Variants in EFNA2 observed in about 807,000 individuals in gnomAD.
EFNA2 encodes ephrin-A2.
Under a neutral mutation model 19.7 loss-of-function variants are expected in EFNA2, and 18 were observed. That is an observed-to-expected ratio of 0.91 (90% CI 0.63 to 1.35). EFNA2 has a LOEUF of 1.35. Among genes scored for constraint, EFNA2 ranks in the 40% most tolerant of loss-of-function variants. EFNA2 has a pLI of 0.00. For missense variants in EFNA2, 303 were observed against 296.0 expected (o/e 1.02, Z -0.17); for synonymous variants, 187 against 137.8 (o/e 1.36, Z -2.50).
Position 1,292,090 on chromosome 19 carries a change from A to G in EFNA2, c.141-3455A>G, listed in dbSNP as rs77925924. 7.7e-3 allele frequency among the ~76,000 whole-genome samples: 1,174 copies of G among 152,348 alleles called. 30 individuals are homozygous for G. The highest frequency in any genetic ancestry group is 0.062 in the East Asian group (323 of 5,180). ...GGGAGGATTTGCATATCGAGGCTTC[A>G]TCACTAATGGAGGAAGCGAAGGCTT... is the stretch of plus-strand genomic sequence containing the variant. On this transcript the variant is annotated intron_variant, in intron 1 of 3. Transcript: ENST00000215368.
rs1020595886 is a variant in EFNA2, at chr19:1,286,373, C to T, written c.140+65C>T. 8,167 of 903,700 alleles carry T rather than the reference C, an allele frequency of 9.0e-3. 47 individuals are homozygous for T. Among genetic ancestry groups the T allele is most frequent in the Non-Finnish European group, 0.01 (7,698 of 757,794 alleles). The allele number at this position is 903,700 out of a possible 1,614,324, so 56.0% of individuals were successfully genotyped here. ...CAACGCCCCCCAAGCCGCGCCCGGC[C>T]TCGCGCCCCCGGAGCTCCGGGCGCC... is the stretch of plus-strand genomic sequence containing the variant. On this transcript the variant is annotated intron_variant, in intron 1 of 3. Transcript: ENST00000215368. The surrounding 1 kb of genome is among the most constrained non-coding windows in gnomAD (Gnocchi z 5.6).
Position 1,295,883 on chromosome 19 carries a change from CCGGGGCCCGAGTGGGCGGGGACGCGGGGG to C in EFNA2, c.454+33_454+61del. ...TGTGAGTGGGGTCGGGCCGGGGCTG[CCGGGGCCCGAGTGGGCGGGGACGCGGGGG>C]CGGGGCCAGGAAGTGGGCGGGACCA... On this transcript the variant is annotated intron_variant, in intron 2 of 3. Transcript: ENST00000215368. The surrounding 1 kb of genome is among the most constrained non-coding windows in gnomAD (Gnocchi z 5.8). 6.5e-7 allele frequency: 1 copy of C among 1,544,884 alleles called. No individual in the cohort carries two copies. Among genetic ancestry groups the C allele is most frequent in the Non-Finnish European group, 8.7e-7 (1 of 1,154,078 alleles).
rs1033087238 is a variant in EFNA2, at chr19:1,287,027, ACCCAGGTGG to A, written c.140+725_140+733del. 6.6e-6 allele frequency among the ~76,000 whole-genome samples: 1 copy of A among 151,986 alleles called. No individual in the cohort carries two copies. Among genetic ancestry groups the A allele is most frequent in the African/African-American group, 2.4e-5 (1 of 41,336 alleles). On this transcript the variant is annotated intron_variant, in intron 1 of 3. Coordinates refer to ENST00000215368, the MANE Select transcript of EFNA2 (RefSeq NM_001405.4). The surrounding 1 kb of genome is among the most constrained non-coding windows in gnomAD (Gnocchi z 6.2). ...TGCAAGGGGGGGACTTGGGGGCAGGACCCAGGTGGCCCAGTGCCCTGCCTGCCACGCCCG... is the reference window on the plus strand; with the variant it reads ...TGCAAGGGGGGGACTTGGGGGCAGGACCCAGTGCCCTGCCTGCCACGCCCG...
upstream of EFNA2, among the ~76,000 whole-genome samples, chr19:1,284,844 G>C (rs111924047): frequency 6.6e-6 from 1 of 152,216 alleles, no homozygotes; most frequent in Non-Finnish European, 1.5e-5. The surrounding 1 kb of genome is among the most constrained non-coding windows in gnomAD (Gnocchi z 5.3). Flanking sequence ...ATTCAGAGAC[G>C]TACAACACGA....
rs1228515277 is a variant in EFNA2 at position 1,300,076 on chromosome 19, C to T, written c.*131C>T. 6.2e-6 allele frequency: 8 copies of T among 1,292,632 alleles called. No homozygotes were observed. The highest frequency in any genetic ancestry group is 7.1e-6 in the Non-Finnish European group (7 of 979,278). The allele number at this position is 1,292,632 out of a possible 1,614,324, so 80.1% of individuals were successfully genotyped here. ...GACGCTGCTTCTCCCTCGCCTGGTGCCGCCCCCGCCGGGCAGGGGCCATCC... is the reference window on the plus strand; with the variant it reads ...GACGCTGCTTCTCCCTCGCCTGGTGTCGCCCCCGCCGGGCAGGGGCCATCC... On this transcript the variant is annotated 3_prime_UTR_variant, in exon 4 of 4. Transcript: ENST00000215368.
upstream of EFNA2, among the ~76,000 whole-genome samples, chr19:1,285,703 G>C (rs2081460117): frequency 6.6e-6 from 1 of 151,396 alleles, no homozygotes; most frequent in Admixed American, 6.6e-5. This position sits in a 1 kb window ranked among gnomAD's most constrained non-coding sequence, Gnocchi z 4.1. Context: ...GGCGGGGGGC[G>C]CGCAGAATCG....
At position 1,286,625 on chromosome 19, in the gene EFNA2, C is replaced by T. The variant is rs567803207; in HGVS notation, c.140+317C>T. Reference sequence around the variant, plus strand: ...CTGGTACCCTCCGATGCCGGGTAGCCCCTGAGTTGCCTGCCTGGACTTGGG... The same window carrying T: ...CTGGTACCCTCCGATGCCGGGTAGCTCCTGAGTTGCCTGCCTGGACTTGGG... On this transcript the variant is annotated intron_variant, in intron 1 of 3. Transcript: ENST00000215368. This position sits in a 1 kb window ranked among gnomAD's most constrained non-coding sequence, Gnocchi z 5.6. Among the ~76,000 whole-genome samples the T allele has an allele frequency of 5.6e-4, 86 of 152,262 alleles. No individual in the cohort carries two copies. Among genetic ancestry groups the T allele is most frequent in the African/African-American group, 2.0e-3 (82 of 41,574 alleles).
At position 1,286,437 on chromosome 19, in the gene EFNA2, T is replaced by G. The variant is rs2081465320; in HGVS notation, c.140+129T>G. ...CCGCCGCCGGGATGCGGGCGCCCGG[T>G]TCCCGCGGGAGCCCCCCAGGGAGCT... On this transcript the variant is annotated intron_variant, in intron 1 of 3. Coordinates refer to ENST00000215368, the MANE Select transcript of EFNA2 (RefSeq NM_001405.4). The surrounding 1 kb of genome is among the most constrained non-coding windows in gnomAD (Gnocchi z 5.6). 2.8e-5 allele frequency: 6 copies of G among 218,016 alleles called. No individual in the cohort carries two copies. The highest frequency in any genetic ancestry group is 4.6e-5 in the Non-Finnish European group (6 of 130,440). 13.5% of individuals were successfully genotyped at this position (218,016 alleles called of 1,614,324 possible). A position where few individuals can be genotyped will look rare whatever the true frequency, so the allele number is the denominator to read the frequency against.
intron 1 of EFNA2, among the ~76,000 whole-genome samples, chr19:1,292,167 C>T (rs979898076): frequency 2.0e-5 from 3 of 152,222 alleles, no homozygotes; most frequent in Admixed American, 1.3e-4. Context: ...CTCCCCCCTG[C>T]AGGCGCCACC....
In EFNA2 at chr19:1,300,122, T is replaced by A; in HGVS notation, c.*177T>A. On this transcript the variant is annotated 3_prime_UTR_variant, in exon 4 of 4. Coordinates refer to ENST00000215368, the MANE Select transcript of EFNA2 (RefSeq NM_001405.4). The stretch of plus-strand genomic sequence containing the variant: ...CATCCACCCGCCCCAGGACCAGCCC[T>A]CAGGGAGGGGAAACGGCCGAGAGCC... 2.3e-6 allele frequency: 2 copies of A among 878,474 alleles called. No individual in the cohort carries two copies. The highest frequency in any genetic ancestry group is 3.6e-5 in the Admixed American group (1 of 27,680). 54.4% of individuals were successfully genotyped at this position (878,474 alleles called of 1,614,324 possible).
intron 3 of EFNA2, 67 bp from the exon 4 acceptor site, chr19:1,299,757 G>T: frequency 2.0e-6 from 3 of 1,515,878 alleles, no homozygotes; most frequent in East Asian, 2.4e-5. Context: ...CCCTGAGGGC[G>T]GGCGGCACGT....
chr19:1,299,993 C>A lies in EFNA2; in HGVS notation c.*48C>A. ...CCCTGCCTGGACGGCCCCGCCTGGA[C>A]CGCCTGACCTCGGCCCTCCGGACCC... On this transcript the variant is annotated 3_prime_UTR_variant, in exon 4 of 4. Coordinates refer to ENST00000215368, the MANE Select transcript of EFNA2 (RefSeq NM_001405.4). 1 of 1,557,568 alleles carries A rather than the reference C, an allele frequency of 6.4e-7. No individual in the cohort carries two copies. The highest frequency in any genetic ancestry group is 1.4e-5 in the African/African-American group (1 of 73,242).
In EFNA2 at chr19:1,295,519, G is replaced by A. The variant is rs1254896920; in HGVS notation, c.141-26G>A. 13 of 1,537,120 alleles carry A rather than the reference G, an allele frequency of 8.5e-6. No individual in the cohort carries two copies. Among genetic ancestry groups the A allele is most frequent in the Admixed American group, 6.1e-5 (3 of 48,956 alleles). On this transcript the variant is annotated intron_variant, in intron 1 of 3. Coordinates refer to ENST00000215368, the MANE Select transcript of EFNA2 (RefSeq NM_001405.4). The surrounding 1 kb of genome is among the most constrained non-coding windows in gnomAD (Gnocchi z 5.8). Reference sequence around the variant, plus strand: ...TGCCCCGTTCCTCGCTCCGGGCGCTGACCTCTGGCCGCCTTGTCCCCGCAG... The same window carrying A: ...TGCCCCGTTCCTCGCTCCGGGCGCTAACCTCTGGCCGCCTTGTCCCCGCAG...
intron 3 of EFNA2, 53 bp downstream of exon 3, chr19:1,298,669 A>G: frequency 6.3e-7 from 1 of 1,592,444 alleles, no homozygotes; most frequent in Non-Finnish European, 8.6e-7. Context: ...TGTGTCCTAA[A>G]CCCACAGAAC....
Position 1,297,566 on chromosome 19 carries a change from C to G in EFNA2, c.455-985C>G, listed in dbSNP as rs546440977. Among the ~76,000 whole-genome samples, 4 of 152,234 alleles carry G rather than the reference C, an allele frequency of 2.6e-5. No homozygotes were observed. Among genetic ancestry groups the G allele is most frequent in the Admixed American group, 2.0e-4 (3 of 15,292 alleles). The stretch of plus-strand genomic sequence containing the variant: ...TCAGGGGCCCAGGGCCCGGCAGAGA[C>G]AGCAAGACCACATCCATGTGTGCGT... On this transcript the variant is annotated intron_variant, in intron 2 of 3. Coordinates refer to ENST00000215368, the MANE Select transcript of EFNA2 (RefSeq NM_001405.4). This position sits in a 1 kb window ranked among gnomAD's most constrained non-coding sequence, Gnocchi z 5.0.
chr19:1,287,611 C>G lies in EFNA2; in HGVS notation c.140+1303C>G, dbSNP rs115994343. 5.6e-3 allele frequency among the ~76,000 whole-genome samples: 848 copies of G among 152,206 alleles called. 11 individuals are homozygous for G. Among genetic ancestry groups the G allele is most frequent in the African/African-American group, 0.019 (805 of 41,536 alleles). On this transcript the variant is annotated intron_variant, in intron 1 of 3. Transcript: ENST00000215368. This position sits in a 1 kb window ranked among gnomAD's most constrained non-coding sequence, Gnocchi z 6.2. ...GGGGAACACGCACAGGCCCACCCCC[C>G]ACCCTGGTCAACGGCCTCGGGTCGG...
At chr19:1,299,741 T>C (rs1002776285) in intron 3 of EFNA2, 83 bp from the exon 4 acceptor site, 3 of 1,492,018 alleles carry the variant, frequency 2.0e-6, no homozygotes, top group Middle Eastern at 1.8e-4. Flanking sequence ...GTTGGGCAGA[T>C]GTGCACCCTG....
chr19:1,295,529 C>T lies in EFNA2; in HGVS notation c.141-16C>T. 6.4e-7 allele frequency: 1 copy of T among 1,560,374 alleles called. No homozygotes were observed. Among genetic ancestry groups the T allele is most frequent in the Non-Finnish European group, 8.7e-7 (1 of 1,155,544 alleles). On this transcript the variant is annotated splice_polypyrimidine_tract_variant and intron_variant, in intron 1 of 3. Coordinates refer to ENST00000215368, the MANE Select transcript of EFNA2 (RefSeq NM_001405.4). This position sits in a 1 kb window ranked among gnomAD's most constrained non-coding sequence, Gnocchi z 5.8. The stretch of plus-strand genomic sequence containing the variant: ...CTCGCTCCGGGCGCTGACCTCTGGC[C>T]GCCTTGTCCCCGCAGGTTCCACGCA...
At position 1,300,128 on chromosome 19, in the gene EFNA2, A is replaced by G. The variant is rs1600063235; in HGVS notation, c.*183A>G. On this transcript the variant is annotated 3_prime_UTR_variant, in exon 4 of 4. Transcript: ENST00000215368. Reference sequence around the variant, plus strand: ...CCCGCCCCAGGACCAGCCCTCAGGGAGGGGAAACGGCCGAGAGCCCCCCCC... The same window carrying G: ...CCCGCCCCAGGACCAGCCCTCAGGGGGGGGAAACGGCCGAGAGCCCCCCCC... 1 of 775,508 alleles carries G rather than the reference A, an allele frequency of 1.3e-6. No individual in the cohort carries two copies. Among genetic ancestry groups the G allele is most frequent in the Non-Finnish European group, 1.8e-6 (1 of 552,340 alleles). 48.0% of individuals were successfully genotyped at this position (775,508 alleles called of 1,614,324 possible).
Sources: allele counts gnomAD v4.1 joint callset (sites outside exome capture counted in the v4.1 genomes callset), GRCh38; gene constraint gnomAD v4.1.1; non-coding constraint Gnocchi (gnomAD v3.1); transcripts MANE v1.5; gene names NCBI Gene and HGNC (gene_info 2026-07-23, HGNC 2026-07-21).